Variants in REV3L observed in about 807,000 individuals in gnomAD.
REV3L encodes the protein DNA polymerase zeta catalytic subunit.
A neutral mutation model predicts 299.4 loss-of-function variants in REV3L; 69 were observed. That is an observed-to-expected ratio of 0.23 (90% CI 0.19 to 0.28). REV3L has a LOEUF of 0.28. Ranked by LOEUF, REV3L falls within the 10% of genes least tolerant of loss-of-function variation. REV3L has a pLI of 1.00. For missense variants in REV3L, 3,128 were observed against 3,693.8 expected, an observed-to-expected ratio of 0.85 and a Z score of 3.97; for synonymous variants, 1,238 against 1,271.4, an observed-to-expected ratio of 0.97 and a Z score of 0.56.
chr6:111,415,435 C>A (rs1319110509), intron 2 of REV3L, among the ~76,000 whole-genome samples: 1 of 152,122 alleles, frequency 6.6e-6, no homozygotes, highest in Non-Finnish European at 1.5e-5. Context: ...TGTGGAGTGA[C>A]AGACTGGAAT....
chr6:111,344,546 AT>A (rs888743138), intron 20 of REV3L, among the ~76,000 whole-genome samples: 2 of 152,196 alleles, frequency 1.3e-5, no homozygotes, highest in African/African-American at 4.8e-5. Flanking sequence ...ACTCAATTTC[AT>A]TCCAAAAGCA....
rs528637265 is a variant in REV3L at position 111,435,716 on chromosome 6, A to G, written c.140-19244T>C. ...CACCTGAAACTATGAAACTACTAGAAGAAAACATTGGGGAAATGCTCCAGG... is the reference window on the plus strand; with the variant it reads ...CACCTGAAACTATGAAACTACTAGAGGAAAACATTGGGGAAATGCTCCAGG... On this transcript the variant is annotated intron_variant, in intron 1 of 31. Transcript: ENST00000368802. Among the ~76,000 whole-genome samples, 12 of 152,370 alleles carry G rather than the reference A, an allele frequency of 7.9e-5. No homozygotes were observed. In the South Asian group the frequency reaches 1.9e-3, roughly 24 times the overall value.
intron 13 of REV3L, among the ~76,000 whole-genome samples, chr6:111,370,816 A>T (rs918181312): frequency 1.3e-5 from 2 of 152,132 alleles, no homozygotes; most frequent in East Asian, 3.9e-4. Context: ...CATTATCACC[A>T]TCCCCTACCA....
intron 1 of REV3L, among the ~76,000 whole-genome samples, chr6:111,466,424 T>C (rs1354316198): frequency 6.6e-6 from 1 of 152,240 alleles, no homozygotes; most frequent in East Asian, 1.9e-4. Flanking sequence ...TTTTAAAATG[T>C]CACGTTTTCT....
At chr6:111,470,350 A>G (rs894599889) in intron 1 of REV3L, among the ~76,000 whole-genome samples, 1 of 152,180 alleles carries the variant, frequency 6.6e-6, no homozygotes, top group African/African-American at 2.4e-5. Context: ...GGCCTAATAC[A>G]TGTTTTCTCA....
intron 9 of REV3L, among the ~76,000 whole-genome samples, chr6:111,381,779 A>T (rs1477625940): frequency 6.6e-6 from 1 of 152,244 alleles, no homozygotes; most frequent in Non-Finnish European, 1.5e-5. Flanking sequence ...TTATTTGAAT[A>T]CTAAAATTCT....
chr6:111,364,062 T>C (rs1778965031), intron 15 of REV3L, 84 bp from the exon 16 acceptor site: 4 of 1,513,064 alleles, frequency 2.6e-6, no homozygotes, highest in Non-Finnish European at 3.5e-6. Flanking sequence ...TCTCAGATAA[T>C]ATGCTTTATG....
At chr6:111,470,850 C>T (rs1451368988) in intron 1 of REV3L, among the ~76,000 whole-genome samples, 2 of 151,930 alleles carry the variant, frequency 1.3e-5, no homozygotes, top group African/African-American at 4.8e-5. Flanking sequence ...TGTGGTGGCA[C>T]GTGGCTGTAA....
intron 4 of REV3L, among the ~76,000 whole-genome samples, chr6:111,395,227 T>A (rs1782371022): frequency 6.6e-6 from 1 of 152,220 alleles, no homozygotes; most frequent in South Asian, 2.1e-4. Flanking sequence ...AGAATTTTTT[T>A]TTCTATTTCC....
chr6:111,321,501 T>C (rs1026655686), intron 26 of REV3L, among the ~76,000 whole-genome samples: 1 of 152,170 alleles, frequency 6.6e-6, no homozygotes, highest in African/African-American at 2.4e-5. Flanking sequence ...AGTAGTTTCA[T>C]AGAACAATAA....
intron 25 of REV3L, among the ~76,000 whole-genome samples, chr6:111,325,730 G>A (rs1774716702): frequency 6.6e-6 from 1 of 152,142 alleles, no homozygotes; most frequent in Non-Finnish European, 1.5e-5. Context: ...GATCAAATCA[G>A]GGTAACTGGG....
chr6:111,328,528 T>C (rs931603800), intron 25 of REV3L, among the ~76,000 whole-genome samples: 5 of 152,178 alleles, frequency 3.3e-5, no homozygotes, highest in African/African-American at 1.2e-4. Flanking sequence ...TTTATGCTAA[T>C]AGAAAGTTAC....
chr6:111,351,026 T>C (rs976529591), intron 19 of REV3L, among the ~76,000 whole-genome samples: 2 of 152,188 alleles, frequency 1.3e-5, no homozygotes, highest in African/African-American at 4.8e-5. Flanking sequence ...AAAAATCCTA[T>C]GTTTATAAAG....
chr6:111,386,352 C>T (rs561021432), intron 9 of REV3L, among the ~76,000 whole-genome samples: 75 of 152,110 alleles, frequency 4.9e-4, no homozygotes, highest in African/African-American at 1.8e-3. Context: ...TAAAGATGCT[C>T]GACATCAGTA....
At chr6:111,480,523 T>C (rs1437499784) in intron 1 of REV3L, among the ~76,000 whole-genome samples, 1 of 152,146 alleles carries the variant, frequency 6.6e-6, no homozygotes, top group Non-Finnish European at 1.5e-5. Context: ...AATATTAATC[T>C]CACTGGGAGT....
chr6:111,460,455 T>A (rs1790628442), intron 1 of REV3L: 1 of 151,790 alleles, frequency 6.6e-6, no homozygotes, highest in Admixed American at 6.6e-5. Flanking sequence ...AATAAAAATA[T>A]ATACGTAAAA....
intron 1 of REV3L, among the ~76,000 whole-genome samples, chr6:111,475,022 CAT>C (rs988997323): frequency 9.0e-4 from 129 of 142,648 alleles, no homozygotes; most frequent in Non-Finnish European, 1.6e-3. Context: ...CACACACACA[CAT>C]ATGGATTTTA....
At chr6:111,469,554 C>T (rs1210327552) in intron 1 of REV3L, among the ~76,000 whole-genome samples, 1 of 152,152 alleles carries the variant, frequency 6.6e-6, no homozygotes, top group East Asian at 1.9e-4. Flanking sequence ...CTGGAATTGG[C>T]CATGTTGATC....
chr6:111,332,987 G>A, intron 23 of REV3L, 136 bp downstream of exon 23: 1 of 966,144 alleles, frequency 1.0e-6, no homozygotes. Context: ...TATAATGAAT[G>A]GATTAGCTGG....
Sources: gnomAD v4.1 joint callset for allele counts (sites outside exome capture counted in the v4.1 genomes callset) on GRCh38, gnomAD v4.1.1 for gene constraint, MANE v1.5 for transcripts, NCBI Gene and HGNC (gene_info 2026-07-23, HGNC 2026-07-21) for gene names.